ESR1: variants seen among roughly 807,000 people sequenced by gnomAD.
ESR1 encodes estrogen receptor 1, also known as estrogen receptor.
A neutral mutation model predicts 52.7 loss-of-function variants in ESR1; 12 were observed. The observed-to-expected ratio is 0.23, with a 90% confidence interval of 0.15 to 0.37. The LOEUF is 0.37. Among genes scored for constraint, ESR1 ranks in the 10% least tolerant of loss-of-function variants. The pLI is 1.00. For missense variants in ESR1, 584 were observed against 779.7 expected (o/e 0.75, Z 2.99); for synonymous variants, 305 against 316.8 (o/e 0.96, Z 0.39).
At chr6:151,711,449 C>A (rs1178521768) in intron 2 of ESR1, among the ~76,000 whole-genome samples, 1 of 152,166 alleles carries the variant, frequency 6.6e-6, no homozygotes, top group Non-Finnish European at 1.5e-5. Flanking sequence ...TCTCGATCTT[C>A]TGACCTCGTG....
intron 1 of ESR1, among the ~76,000 whole-genome samples, chr6:151,823,615 T>TC (rs1338129953): frequency 1.3e-5 from 2 of 149,322 alleles, no homozygotes; most frequent in African/African-American, 4.9e-5. Flanking sequence ...ATGCTATCCC[T>TC]CCCCCCTACC....
chr6:151,947,943 G>A (rs970946848), intron 4 of ESR1, among the ~76,000 whole-genome samples: 12 of 152,082 alleles, frequency 7.9e-5, no homozygotes, highest in Non-Finnish European at 7.4e-5. Flanking sequence ...CTTATTGTTT[G>A]CTCTGAAATT....
chr6:151,958,973 C>CGTGTGT (rs58501088), intron 4 of ESR1, among the ~76,000 whole-genome samples: 5 of 148,734 alleles, frequency 3.4e-5, no homozygotes, highest in South Asian at 2.1e-4. Context: ...AAAAAGTTTC[C>CGTGTGT]GTGTGTGTGT....
At chr6:151,965,066 G>A (rs2038126217) in intron 4 of ESR1, among the ~76,000 whole-genome samples, 1 of 152,162 alleles carries the variant, frequency 6.6e-6, no homozygotes, top group African/African-American at 2.4e-5. Flanking sequence ...CTTAGTAGGT[G>A]AACATTGTTA....
At chr6:151,695,563 G>A (rs779348747) in intron 1 of ESR1, among the ~76,000 whole-genome samples, 1 of 152,146 alleles carries the variant, frequency 6.6e-6, no homozygotes, top group East Asian at 1.9e-4. Flanking sequence ...TTGGTTCAGA[G>A]GAAGCCATCA....
chr6:151,880,179 C>CTGT (rs1554275451), intron 2 of ESR1, among the ~76,000 whole-genome samples: 1 of 77,962 alleles, frequency 1.3e-5, no homozygotes, highest in Non-Finnish European at 3.0e-5. Flanking sequence ...GTTTTTTGTT[C>CTGT]TGTTTTTTTT....
intron 2 of ESR1, among the ~76,000 whole-genome samples, chr6:151,705,213 G>T (rs950416571): frequency 6.6e-6 from 1 of 152,060 alleles, no homozygotes; most frequent in Non-Finnish European, 1.5e-5. Context: ...AACAGGCTAG[G>T]ATTAGCTGAC....
chr6:151,899,129 A>T (rs1584054668), intron 3 of ESR1, among the ~76,000 whole-genome samples: 1 of 120,814 alleles, frequency 8.3e-6, no homozygotes, highest in African/African-American at 3.4e-5. Context: ...CGGGGGGCTG[A>T]CCCCCCCGCC....
At chr6:151,966,796 C>T (rs1353933129) in intron 4 of ESR1, among the ~76,000 whole-genome samples, 1 of 152,168 alleles carries the variant, frequency 6.6e-6, no homozygotes, top group Non-Finnish European at 1.5e-5. Flanking sequence ...ATTAGGAGTA[C>T]ACTCTGAATG....
chr6:152,121,783 A>G (rs1204893722), intron 6 of ESR1: 1 of 152,388 alleles, frequency 6.6e-6, no homozygotes, highest in Non-Finnish European at 1.5e-5. Flanking sequence ...TTTTTTTACT[A>G]TAACATTCAA....
At chr6:152,060,648 A>G (rs752420128) in intron 5 of ESR1, among the ~76,000 whole-genome samples, 1 of 152,190 alleles carries the variant, frequency 6.6e-6, no homozygotes, top group African/African-American at 2.4e-5. Context: ...TAGCAGATCA[A>G]TATACGTGTA....
intron 1 of ESR1, among the ~76,000 whole-genome samples, chr6:151,812,952 C>A (rs1021291031): frequency 1.4e-5 from 2 of 143,998 alleles, no homozygotes; most frequent in South Asian, 4.5e-4. Flanking sequence ...AGTGAATTGA[C>A]GTGTAATGTC....
intron 1 of ESR1, among the ~76,000 whole-genome samples, chr6:151,661,127 A>T (rs991284664): frequency 2.6e-5 from 4 of 152,100 alleles, no homozygotes; most frequent in Non-Finnish European, 5.9e-5. Flanking sequence ...CAATTAAAAA[A>T]ATAATGTAAT....
intron 6 of ESR1, chr6:152,122,089 C>T (rs920151074): frequency 7.5e-5 from 27 of 362,038 alleles, no homozygotes; most frequent in Non-Finnish European, 1.1e-4. Context: ...GGGAAAGCTG[C>T]CCAGATGGTC....
At chr6:151,935,429 C>T (rs982190156) in intron 3 of ESR1, among the ~76,000 whole-genome samples, 3 of 152,178 alleles carry the variant, frequency 2.0e-5, no homozygotes, top group African/African-American at 7.2e-5. Context: ...TGGCAGGAGC[C>T]ACTGCCTTCA....
chr6:152,044,168 C>T (rs1462930295), intron 5 of ESR1, among the ~76,000 whole-genome samples: 1 of 152,192 alleles, frequency 6.6e-6, no homozygotes, highest in Non-Finnish European at 1.5e-5. Flanking sequence ...CCTTGCCTCT[C>T]ATGAGCAGTG....
At chr6:151,742,039 G>A (rs778114093) in intron 2 of ESR1, among the ~76,000 whole-genome samples, 2 of 151,994 alleles carry the variant, frequency 1.3e-5, no homozygotes, top group Non-Finnish European at 2.9e-5. Context: ...ATTTTTTTCT[G>A]AGTCTTTGTT....
chr6:151,832,831 A>G (rs17081761), intron 1 of ESR1, among the ~76,000 whole-genome samples: 2 of 152,162 alleles, frequency 1.3e-5, no homozygotes, highest in African/African-American at 4.8e-5. Context: ...GCATGCAATA[A>G]GGAACACAGA....
chr6:152,098,365 T>C lies in ESR1; in HGVS notation c.1554-367T>C, dbSNP rs1249427896. Among the ~76,000 whole-genome samples, 1 of 152,074 alleles carries C rather than the reference T, an allele frequency of 6.6e-6. No homozygotes were observed. Among genetic ancestry groups the C allele is most frequent in the African/African-American group, 2.4e-5 (1 of 41,424 alleles). ...TCTCATGTTGTCTTTTTAGAAGCTT[T>C]GGCGATCCTATTTGAATGCATTTAG... is the stretch of plus-strand genomic sequence containing the variant. On this transcript the variant is annotated intron_variant, in intron 7 of 7. Coordinates refer to ENST00000206249, the MANE Select transcript of ESR1 (RefSeq NM_000125.4). The surrounding 1 kb of genome is among the most constrained non-coding windows in gnomAD (Gnocchi z 5.1).
Sources: gnomAD v4.1 joint callset for allele counts (sites outside exome capture counted in the v4.1 genomes callset) on GRCh38, gnomAD v4.1.1 for gene constraint, Gnocchi (gnomAD v3.1) non-coding constraint, MANE v1.5 for transcripts, NCBI Gene and HGNC (gene_info 2026-07-23, HGNC 2026-07-21) for gene names.